Variants in ARHGEF17 observed in about 807,000 individuals in gnomAD.
ARHGEF17 encodes Rho guanine nucleotide exchange factor 17.
Under a neutral mutation model 174.0 loss-of-function variants are expected in ARHGEF17, and 80 were observed. The observed-to-expected ratio is 0.46, with a 90% CI of 0.38 to 0.55. The LOEUF is 0.55. ARHGEF17 is among the 20% of genes least tolerant of loss of function. The probability of loss-of-function intolerance (pLI) is 0.00; values close to 1 mark genes in which losing one functional copy is unlikely to be tolerated. For missense variants in ARHGEF17, 2,886 were observed against 2,839.7 expected, an observed-to-expected ratio of 1.02 and a Z score of -0.37; for synonymous variants, 1,311 against 1,189.1, an observed-to-expected ratio of 1.10 and a Z score of -2.11.
rs1398364852 is a variant in ARHGEF17 at position 73,310,711 on chromosome 11, G to A, written c.2073G>A (p.Gly691=). Residue 691 remains glycine (G), a synonymous_variant, in exon 1 of 21, where the codon GGG becomes GGA. Transcript: ENST00000263674. ...CTGGGACTGAGGACAGTCTGGGCGG[G>A]TGGGCCCTGGTGTCGCCTGAGACCC... ...HGPGTEDSLG[G]WALVSPETPP... 1.9e-6 allele frequency: 3 copies of A among 1,613,082 alleles called. No individual in the cohort carries two copies. Among genetic ancestry groups the A allele is most frequent in the African/African-American group, 2.7e-5 (2 of 75,012 alleles).
chr11:73,343,608 A>G (rs532000710), intron 1 of ARHGEF17, among the ~76,000 whole-genome samples: 44 of 152,174 alleles, frequency 2.9e-4, no homozygotes, highest in African/African-American at 1.1e-3. Context: ...GCCCTGGTGT[A>G]TGTGTGTGCT....
At chr11:73,354,061 T>C (rs1321863793) in intron 3 of ARHGEF17, among the ~76,000 whole-genome samples, 1 of 152,210 alleles carries the variant, frequency 6.6e-6, no homozygotes, top group African/African-American at 2.4e-5. Context: ...AAAAATTATA[T>C]CTATTTCTGT....
chr11:73,327,771 G>A lies in ARHGEF17; in HGVS notation c.3192+15941G>A, dbSNP rs1416481519. Among the ~76,000 whole-genome samples, 4 of 152,318 alleles carry A rather than the reference G, an allele frequency of 2.6e-5. No individual in the cohort carries two copies. The South Asian group carries it at 8.3e-4, about 32-fold the overall frequency. On this transcript the variant is annotated intron_variant, in intron 1 of 20. Transcript: ENST00000263674. Reference sequence around the variant, plus strand: ...GTGAGTCAGCAAGGGCCAGGTCATTGAGACTCTCGGGGGACAAGTACTTGA... The same window carrying A: ...GTGAGTCAGCAAGGGCCAGGTCATTAAGACTCTCGGGGGACAAGTACTTGA...
At chr11:73,338,341 C>G (rs1329641600) in intron 1 of ARHGEF17, among the ~76,000 whole-genome samples, 1 of 152,180 alleles carries the variant, frequency 6.6e-6, no homozygotes, top group African/African-American at 2.4e-5. Context: ...CAGGGCCTGC[C>G]TTCTTAATCT....
At chr11:73,342,270 A>G (rs1468614922) in intron 1 of ARHGEF17, among the ~76,000 whole-genome samples, 1 of 152,018 alleles carries the variant, frequency 6.6e-6, no homozygotes, top group Admixed American at 6.6e-5. Flanking sequence ...CAGGTATAGG[A>G]CACAGGACAA....
intron 16 of ARHGEF17, 21 bp downstream of exon 16, chr11:73,363,854 T>C: frequency 6.2e-7 from 1 of 1,611,746 alleles, no homozygotes; most frequent in Non-Finnish European, 8.5e-7. Context: ...AGGGTGGCCC[T>C]TCCTATCTAG....
At chr11:73,335,650 G>T (rs926603572) in intron 1 of ARHGEF17, among the ~76,000 whole-genome samples, 2 of 152,156 alleles carry the variant, frequency 1.3e-5, no homozygotes, top group African/African-American at 4.8e-5. Flanking sequence ...GTGGGCGTCT[G>T]GTGGAAGTGC....
rs1315317679 is a variant in ARHGEF17, at chr11:73,309,216, C to T, written c.578C>T (p.Thr193Ile). Residue 193 changes from threonine (T) to isoleucine (I), a missense_variant, in exon 1 of 21, where the codon ACC becomes ATC. Transcript: ENST00000263674. Reference protein sequence around the residue: ...RSARPLTGPETEGRLRRPQQQ... With the variant: ...RSARPLTGPEIEGRLRRPQQQ... Reference sequence around the variant, plus strand: ...GCGCGGCCCCTGACCGGGCCGGAGACCGAAGGGAGGCTGCGCCGGCCGCAG... The same window carrying T: ...GCGCGGCCCCTGACCGGGCCGGAGATCGAAGGGAGGCTGCGCCGGCCGCAG... The T allele has an allele frequency of 6.3e-7, 1 of 1,599,616 alleles. No homozygotes were observed. The highest frequency in any genetic ancestry group is 8.5e-7 in the Non-Finnish European group (1 of 1,173,154).
chr11:73,352,786 C>T (rs1434907277), intron 2 of ARHGEF17, 44 bp from the exon 3 acceptor site: 8 of 1,604,252 alleles, frequency 5.0e-6, no homozygotes, highest in Admixed American at 1.7e-5. Flanking sequence ...GTGGTGGGGG[C>T]GGCATCTCTG....
At chr11:73,358,453 C>T (rs1397060108) in intron 9 of ARHGEF17, among the ~76,000 whole-genome samples, 1 of 93,298 alleles carries the variant, frequency 1.1e-5, no homozygotes, top group African/African-American at 4.9e-5. Context: ...AGGTCCGCCT[C>T]TTTTTTTTTT....
Position 73,309,952 on chromosome 11 carries a change from A to G in ARHGEF17, c.1314A>G (p.Gly438=). The G allele has an allele frequency of 4.3e-6, 7 of 1,613,744 alleles. No homozygotes were observed. Among genetic ancestry groups the G allele is most frequent in the Non-Finnish European group, 5.9e-6 (7 of 1,179,966 alleles). ...LRSQARTRAK[G]PGGTSRALRD... ...CCCAGGCTCGAACCCGTGCCAAAGG[A>G]CCTGGAGGCACCTCTAGGGCATTGA... The change falls in exon 1 of 21, where the codon GGA becomes GGG. Residue 438 remains glycine, a synonymous_variant. Coordinates refer to ENST00000263674, the MANE Select transcript of ARHGEF17 (RefSeq NM_014786.4).
chr11:73,310,870 T>A lies in ARHGEF17; in HGVS notation c.2232T>A (p.Ala744=). Residue 744 remains alanine, a synonymous_variant, in exon 1 of 21, where the codon GCT becomes GCA. Coordinates refer to ENST00000263674, the MANE Select transcript of ARHGEF17 (RefSeq NM_014786.4). ...ACCCAATTCCTCAGCGCCACCGGGC[T>A]GCCACCTCTGAAGAGCCTACTGGGT... The part of the protein sequence containing the change: ...LSDPIPQRHR[A]ATSEEPTGFS... 1 of 1,612,318 alleles carries A rather than the reference T, an allele frequency of 6.2e-7. No homozygotes were observed. Among genetic ancestry groups the A allele is most frequent in the Non-Finnish European group, 8.5e-7 (1 of 1,179,160 alleles).
rs745581680 is a variant in ARHGEF17 at position 73,363,246 on chromosome 11, C to T, written c.5037C>T (p.Thr1679=). Reference sequence around the variant, plus strand: ...GTTCCAAGGAGGCCACGGCAGAGACCACCAGCTCAGAGGAGGAGCAGGAGC... The same window carrying T: ...GTTCCAAGGAGGCCACGGCAGAGACTACCAGCTCAGAGGAGGAGCAGGAGC... ...TPSSKEATAE[T]TSSEEEQEPG... The change falls in exon 15 of 21, where the codon ACC becomes ACT. Residue 1679 remains threonine, a synonymous_variant. Coordinates refer to ENST00000263674, the MANE Select transcript of ARHGEF17 (RefSeq NM_014786.4). 14 of 1,601,008 alleles carry T rather than the reference C, an allele frequency of 8.7e-6. No homozygotes were observed. The highest frequency in any genetic ancestry group is 1.2e-5 in the Non-Finnish European group (14 of 1,171,600).
intron 3 of ARHGEF17, among the ~76,000 whole-genome samples, chr11:73,353,945 CCAT>C (rs1316774600): frequency 6.6e-6 from 1 of 152,200 alleles, no homozygotes; most frequent in African/African-American, 2.4e-5. Flanking sequence ...CAAGAATACA[CCAT>C]GATGACTGAT....
intron 1 of ARHGEF17, among the ~76,000 whole-genome samples, chr11:73,336,674 G>C (rs898662007): frequency 6.6e-6 from 1 of 152,300 alleles, no homozygotes; most frequent in East Asian, 1.9e-4. Flanking sequence ...AAGGACCCTG[G>C]GTTCACATTC....
At chr11:73,366,285 A>G (rs1156715989) in intron 20 of ARHGEF17, among the ~76,000 whole-genome samples, 1 of 152,226 alleles carries the variant, frequency 6.6e-6, no homozygotes, top group Admixed American at 6.5e-5. Context: ...TATATTTCCT[A>G]TATGCACCAG....
At chr11:73,329,360 TATA>T (rs1865161469) in intron 1 of ARHGEF17, among the ~76,000 whole-genome samples, 2 of 19,938 alleles carry the variant, frequency 1.0e-4, no homozygotes, top group Admixed American at 5.0e-4. Context: ...TATATATATA[TATA>T]TATATATATA....
rs768662072 is a variant in ARHGEF17, at chr11:73,361,067, GTC to G, written c.4421-19_4421-18del. 6.2e-7 allele frequency: 1 copy of G among 1,605,112 alleles called. No homozygotes were observed. Among genetic ancestry groups the G allele is most frequent in the Non-Finnish European group, 8.5e-7 (1 of 1,172,134 alleles). On this transcript the variant is annotated intron_variant, in intron 11 of 20. Transcript: ENST00000263674. Reference sequence around the variant, plus strand: ...ATGCTATGCTAAGCAGGGTCCGTCTGTCTGTCCATCTCCACTACAGCATCCAG... The same window carrying G: ...ATGCTATGCTAAGCAGGGTCCGTCTGTGTCCATCTCCACTACAGCATCCAG...
intron 1 of ARHGEF17, among the ~76,000 whole-genome samples, chr11:73,321,491 C>T (rs1227118536): frequency 3.9e-5 from 6 of 152,164 alleles, no homozygotes; most frequent in East Asian, 1.9e-4. Context: ...GACCCCTTGC[C>T]GGGTGATATT....
Sources: gnomAD v4.1 joint callset for allele counts (sites outside exome capture counted in the v4.1 genomes callset) on GRCh38, gnomAD v4.1.1 for gene constraint, MANE v1.5 for transcripts, NCBI Gene and HGNC (gene_info 2026-07-23, HGNC 2026-07-21) for gene names.